Variants in MET observed in about 807,000 individuals in gnomAD.
MET encodes the protein MET proto-oncogene, receptor tyrosine kinase.
Under a neutral mutation model 133.1 loss-of-function variants are expected in MET, and 48 were observed. The observed-to-expected ratio is 0.36, with a 90% confidence interval of 0.29 to 0.46. MET has a LOEUF of 0.46. Among genes scored for constraint, MET ranks in the 20% least tolerant of loss-of-function variants. MET has a pLI of 1.00. For synonymous variants in MET, 628 were observed against 616.5 expected, an observed-to-expected ratio of 1.02 and a Z score of -0.28; for missense variants, 1,442 against 1,695.9, an observed-to-expected ratio of 0.85 and a Z score of 2.63.
intron 1 of MET, among the ~76,000 whole-genome samples, chr7:116,694,029 A>C (rs1796872059): frequency 6.6e-6 from 1 of 152,358 alleles, no homozygotes; most frequent in African/African-American, 2.4e-5. Context: ...TTAAACCCTA[A>C]AATCTGGCCA....
chr7:116,687,495 C>T (rs1210366998), intron 1 of MET, among the ~76,000 whole-genome samples: 1 of 152,072 alleles, frequency 6.6e-6, no homozygotes, highest in Non-Finnish European at 1.5e-5. Flanking sequence ...ATTCTTCTTC[C>T]AACACTGTTA....
At chr7:116,765,704 C>T (rs921807110) in intron 11 of MET, among the ~76,000 whole-genome samples, 3 of 152,130 alleles carry the variant, frequency 2.0e-5, no homozygotes, top group African/African-American at 7.2e-5. Context: ...CCCCAAATGC[C>T]TCTATCAACA....
At chr7:116,733,143 C>T (rs918458866) in intron 3 of MET, among the ~76,000 whole-genome samples, 16 of 152,094 alleles carry the variant, frequency 1.1e-4, no homozygotes, top group African/African-American at 3.6e-4. Context: ...CCCACAGAGA[C>T]ATGCACTCTA....
intron 2 of MET, among the ~76,000 whole-genome samples, chr7:116,726,452 C>A (rs1792789203): frequency 6.6e-6 from 1 of 151,780 alleles, no homozygotes; most frequent in African/African-American, 2.4e-5. Context: ...CTTATAGTGT[C>A]CACCTTATTC....
intron 2 of MET, among the ~76,000 whole-genome samples, chr7:116,719,135 C>T (rs1302084910): frequency 1.6e-5 from 2 of 124,400 alleles, no homozygotes; most frequent in African/African-American, 3.1e-5. Context: ...CCTATTTCTC[C>T]ACATCCTCTC....
chr7:116,755,319 T>C (rs753136699), intron 5 of MET, 36 bp from the exon 6 acceptor site: 2 of 1,609,164 alleles, frequency 1.2e-6, no homozygotes, highest in African/African-American at 2.7e-5. Flanking sequence ...TTATAATATA[T>C]TGGGTTTTTT....
chr7:116,758,922 C>A (rs1488320755), intron 9 of MET, among the ~76,000 whole-genome samples: 1 of 152,142 alleles, frequency 6.6e-6, no homozygotes, highest in Non-Finnish European at 1.5e-5. Context: ...CATATCAATT[C>A]TATACTAACC....
intron 1 of MET, among the ~76,000 whole-genome samples, chr7:116,674,848 G>A (rs1047105967): frequency 2.6e-5 from 4 of 152,138 alleles, no homozygotes; most frequent in East Asian, 1.9e-4. Context: ...AGTGATTCTC[G>A]CCAGAGCCAT....
chr7:116,736,398 C>A (rs143572798), intron 3 of MET, among the ~76,000 whole-genome samples: 1 of 150,836 alleles, frequency 6.6e-6, no homozygotes, highest in African/African-American at 2.4e-5. Flanking sequence ...ACTTTAAAAA[C>A]AATGGGGGAG....
At chr7:116,763,357 A>G in intron 11 of MET, 89 bp downstream of exon 11, 2 of 1,152,592 alleles carry the variant, frequency 1.7e-6, no homozygotes, top group South Asian at 1.3e-5. Context: ...GTACTTGGCC[A>G]TTGTATCTTA....
intron 2 of MET, among the ~76,000 whole-genome samples, chr7:116,729,549 C>T (rs1175627333): frequency 6.6e-6 from 1 of 152,136 alleles, no homozygotes; most frequent in Non-Finnish European, 1.5e-5. Flanking sequence ...TGATTATTAT[C>T]ATATGGGATG....
chr7:116,771,828 T>G (rs1794844412), intron 13 of MET, 21 bp from the exon 14 acceptor site: 11 of 1,613,708 alleles, frequency 6.8e-6, no homozygotes, highest in Non-Finnish European at 9.3e-6. Flanking sequence ...TAACAAGCTC[T>G]TTCTTTCTCT....
At chr7:116,745,458 G>A (rs930755581) in intron 5 of MET, among the ~76,000 whole-genome samples, 3 of 152,182 alleles carry the variant, frequency 2.0e-5, no homozygotes, top group Non-Finnish European at 2.9e-5. Context: ...CCAAAAAAGA[G>A]CCTGCATTGT....
intron 3 of MET, among the ~76,000 whole-genome samples, chr7:116,732,444 C>G (rs558811815): frequency 6.6e-6 from 1 of 152,132 alleles, no homozygotes; most frequent in Non-Finnish European, 1.5e-5. Context: ...TTCTGTACAA[C>G]AAAAGTTTCC....
intron 1 of MET, among the ~76,000 whole-genome samples, chr7:116,681,458 A>G (rs901647513): frequency 1.3e-5 from 2 of 152,160 alleles, no homozygotes; most frequent in Admixed American, 6.5e-5. Context: ...CCACTGGGAT[A>G]TTGTCTCTGG....
At position 116,731,848 on chromosome 7, in the gene MET, C is replaced by T. The variant is rs1584914359; in HGVS notation, c.1381C>T (p.Arg461Cys). Residue 461 changes from arginine to cysteine, a missense_variant, in exon 3 of 21, where the codon CGC becomes TGC. Around this residue, in one of 6 missense-constraint regions of MET, gnomAD observed 762 missense variants for 792.4 expected, o/e 0.96. Coordinates refer to ENST00000397752, the MANE Select transcript of MET (RefSeq NM_000245.4). The stretch of plus-strand genomic sequence containing the variant: ...AGCTAATCTTGGGACATCAGAGGGT[C>T]GCTTCATGCAGGTAAGTGCTTTCTG... ...TIANLGTSEG[R>C]FMQVVVSRSG... 3 of 1,613,822 alleles carry T rather than the reference C, an allele frequency of 1.9e-6. No homozygotes were observed. Among genetic ancestry groups the T allele is most frequent in the African/African-American group, 1.3e-5 (1 of 74,908 alleles).
chr7:116,759,434 G>A lies in MET; in HGVS notation c.2308G>A (p.Val770Ile). Residue 770 changes from valine (V) to isoleucine (I), a missense_variant, in exon 10 of 21, where the codon GTT (valine) becomes ATT (isoleucine). Around this residue, in one of 6 missense-constraint regions of MET, gnomAD observed 514 missense variants for 659.6 expected, o/e 0.78. Transcript: ENST00000397752. ...ITGVGKNLNS[V>I]SVPRMVINVH... ...AGGTGTTGGGAAAAACCTGAATTCA[G>A]TTAGTGTCCCGAGAATGGTCATAAA... 6.2e-7 allele frequency: 1 copy of A among 1,613,870 alleles called. No homozygotes were observed. The highest frequency in any genetic ancestry group is 8.5e-7 in the Non-Finnish European group (1 of 1,179,894).
In MET at chr7:116,699,390, C is replaced by G. The variant is rs749383450; in HGVS notation, c.306C>G (p.Ser102Arg). The G allele has an allele frequency of 8.1e-6, 13 of 1,614,058 alleles. No individual in the cohort carries two copies. In the East Asian group the frequency reaches 2.9e-4, roughly 36 times the overall value. Residue 102 changes from serine (S) to arginine (R), a missense_variant, in exon 2 of 21, where the codon AGC becomes AGG. This residue lies in a region of MET where 762 missense variants were observed against 792.4 expected (regional missense o/e 0.96). Coordinates refer to ENST00000397752, the MANE Select transcript of MET (RefSeq NM_000245.4). Reference protein sequence around the residue: ...HPDCFPCQDCSSKANLSGGVW... With the variant: ...HPDCFPCQDCRSKANLSGGVW... ...ATTGTTTCCCATGTCAGGACTGCAGCAGCAAAGCCAATTTATCAGGAGGTG... is the reference window on the plus strand; with the variant it reads ...ATTGTTTCCCATGTCAGGACTGCAGGAGCAAAGCCAATTTATCAGGAGGTG...
At chr7:116,694,135 C>T (rs1432314969) in intron 1 of MET, among the ~76,000 whole-genome samples, 2 of 152,188 alleles carry the variant, frequency 1.3e-5, no homozygotes, top group African/African-American at 4.8e-5. Flanking sequence ...AAAGGTCTCC[C>T]TCCTTTCCTT....
Sources: gnomAD v4.1 joint callset for allele counts (sites outside exome capture counted in the v4.1 genomes callset) on GRCh38, gnomAD v4.1.1 for gene constraint, gnomAD v4.1.1 regional missense constraint, MANE v1.5 for transcripts, NCBI Gene and HGNC (gene_info 2026-07-23, HGNC 2026-07-21) for gene names.